The following DIO2 variants were observed in gnomAD, a reference collection of about 807,000 sequenced individuals.
The protein encoded by DIO2 is type II iodothyronine deiodinase.
Under a neutral mutation model 21.4 loss-of-function variants are expected in DIO2, and 19 were observed. The observed-to-expected ratio is 0.89, with a 90% CI of 0.62 to 1.30. DIO2 has a LOEUF of 1.30. Among genes scored for constraint, DIO2 ranks in the 50% most tolerant of loss-of-function variants. DIO2 has a pLI of 0.00. For synonymous variants in DIO2, 122 were observed against 132.9 expected, an observed-to-expected ratio of 0.92 and a Z score of 0.57; for missense variants, 302 against 338.1, an observed-to-expected ratio of 0.89 and a Z score of 0.84.
chr14:80,203,606 T>G (rs1303388990), intron 1 of DIO2, among the ~76,000 whole-genome samples: 1 of 152,250 alleles, frequency 6.6e-6, no homozygotes, highest in Non-Finnish European at 1.5e-5. Flanking sequence ...CTATCCTTAT[T>G]TTGCTGTCAA....
intron 2 of DIO2, among the ~76,000 whole-genome samples, chr14:80,228,316 T>C (rs1454682575): frequency 2.0e-5 from 3 of 152,184 alleles, no homozygotes; most frequent in Non-Finnish European, 4.4e-5. Flanking sequence ...AAGTCAGTGG[T>C]TGCATACCAG....
intron 1 of DIO2, chr14:80,205,663 C>T: frequency 7.5e-7 from 1 of 1,333,350 alleles, no homozygotes; most frequent in Non-Finnish European, 9.8e-7. Flanking sequence ...ATGTATAGTT[C>T]AGCTGCAGAA....
chr14:80,205,851 C>A, intron 1 of DIO2: 1 of 527,036 alleles, frequency 1.9e-6, no homozygotes, highest in Non-Finnish European at 2.8e-6. Flanking sequence ...TGAATGAATG[C>A]TAGTTGTTAT....
chr14:80,219,350 G>A (rs915893901), intron 2 of DIO2: 1 of 152,192 alleles, frequency 6.6e-6, no homozygotes, highest in African/African-American at 2.4e-5. Flanking sequence ...ATATGAAATT[G>A]AAAGTCAGTA....
chr14:80,227,156 T>C (rs1888592957), intron 2 of DIO2, among the ~76,000 whole-genome samples: 1 of 152,158 alleles, frequency 6.6e-6, no homozygotes. Flanking sequence ...CTGTCCACTC[T>C]CAGGTGGTGC....
At chr14:80,216,432 T>C (rs1349583324), upstream of DIO2, among the ~76,000 whole-genome samples, 1 of 152,134 alleles carries the variant, frequency 6.6e-6, no homozygotes, top group Non-Finnish European at 1.5e-5. Flanking sequence ...CACTTAGGAT[T>C]GGCCTAGTCT....
intron 1 of DIO2, 86 bp downstream of exon 1, chr14:80,211,165 C>T (rs539251276): frequency 1.8e-5 from 24 of 1,305,492 alleles, no homozygotes; most frequent in Admixed American, 6.0e-5. Context: ...AGCTCTCCCC[C>T]CAATGCTCCC....
chr14:80,213,678 A>G (rs1314457476), upstream of DIO2, among the ~76,000 whole-genome samples: 1 of 152,130 alleles, frequency 6.6e-6, no homozygotes, highest in Admixed American at 6.5e-5. Flanking sequence ...GAATGAATGA[A>G]CAGGGCATGT....
At chr14:80,229,424 T>G (rs899789707) in intron 2 of DIO2, among the ~76,000 whole-genome samples, 2 of 152,202 alleles carry the variant, frequency 1.3e-5, no homozygotes, top group South Asian at 2.1e-4. Flanking sequence ...TGGTTCTCAC[T>G]GTTAGATCTG....
intron 1 of DIO2, among the ~76,000 whole-genome samples, chr14:80,204,399 AT>A (rs775123858): frequency 3.5e-4 from 53 of 152,298 alleles, no homozygotes; most frequent in Non-Finnish European, 5.7e-4. Context: ...AGAAGTAGAG[AT>A]AAAAATTGTT....
chr14:80,224,781 T>C (rs1888538667), intron 2 of DIO2, among the ~76,000 whole-genome samples: 1 of 151,826 alleles, frequency 6.6e-6, no homozygotes, highest in African/African-American at 2.4e-5. Context: ...AAGAGGAGAG[T>C]TTAGATTTCT....
At chr14:80,228,393 G>A (rs762521440) in intron 2 of DIO2, among the ~76,000 whole-genome samples, 1 of 152,172 alleles carries the variant, frequency 6.6e-6, no homozygotes, top group Non-Finnish European at 1.5e-5. Flanking sequence ...TGCATTTGGA[G>A]TGACCACTTG....
rs898356610 is a variant in DIO2, at chr14:80,199,294, T to C, written c.*3395A>G. 1.3e-5 allele frequency: 2 copies of C among 152,198 alleles called. No individual in the cohort carries two copies. Among genetic ancestry groups the C allele is most frequent in the African/African-American group, 4.8e-5 (2 of 41,438 alleles). The allele number at this position is 152,198 out of a possible 1,614,324, so 9.4% of individuals were successfully genotyped here. Reference sequence around the variant, plus strand: ...CAATAGGCTATTCTTCCCACTGTGATGAGAGAATAAGCACTTCCTGGTTAA... The same window carrying C: ...CAATAGGCTATTCTTCCCACTGTGACGAGAGAATAAGCACTTCCTGGTTAA... On this transcript the variant is annotated 3_prime_UTR_variant, in exon 2 of 2. Coordinates refer to ENST00000438257, the MANE Select transcript of DIO2 (RefSeq NM_013989.5).
At position 80,200,066 on chromosome 14, in the gene DIO2, A is replaced by G. The variant is rs1887654220; in HGVS notation, c.*2623T>C. Reference sequence around the variant, plus strand: ...TAATTTCATAAAAGAATACATCACAAGAAATCATAAAAATTCATGTTGCGA... The same window carrying G: ...TAATTTCATAAAAGAATACATCACAGGAAATCATAAAAATTCATGTTGCGA... On this transcript the variant is annotated 3_prime_UTR_variant, in exon 2 of 2. Transcript: ENST00000438257. 6.6e-6 allele frequency: 1 copy of G among 152,632 alleles called. No homozygotes were observed. The highest frequency in any genetic ancestry group is 1.5e-5 in the Non-Finnish European group (1 of 68,028). 9.5% of individuals were successfully genotyped at this position (152,632 alleles called of 1,614,324 possible).
At chr14:80,204,901 T>C (rs569046659) in intron 1 of DIO2, among the ~76,000 whole-genome samples, 3 of 152,318 alleles carry the variant, frequency 2.0e-5, no homozygotes, top group South Asian at 4.1e-4. Flanking sequence ...TAAGCATTAT[T>C]AGTGTTCTAA....
rs1289970110 is a variant in DIO2, at chr14:80,211,485, C to T, written c.-13G>A. 6.5e-7 allele frequency: 1 copy of T among 1,537,842 alleles called. No individual in the cohort carries two copies. Among genetic ancestry groups the T allele is most frequent in the Non-Finnish European group, 8.8e-7 (1 of 1,134,262 alleles). ...TGAGGATGCCCATCTTCTCTGCCTC[C>T]TGAGTCAGTTCCCTTGTGCGCTCTG... On this transcript the variant is annotated 5_prime_UTR_variant, in exon 1 of 2. Transcript: ENST00000438257.
upstream of DIO2, among the ~76,000 whole-genome samples, chr14:80,213,621 T>C (rs1423442322): frequency 2.0e-5 from 3 of 152,324 alleles, no homozygotes; most frequent in East Asian, 5.8e-4. Flanking sequence ...CCCCAACACC[T>C]AGAACCATGC....
chr14:80,209,386 G>A (rs985674179), intron 1 of DIO2, among the ~76,000 whole-genome samples: 2 of 150,252 alleles, frequency 1.3e-5, no homozygotes, highest in Admixed American at 1.3e-4. Context: ...AAAGGCAATT[G>A]TCCTTCCAAA....
intron 1 of DIO2, among the ~76,000 whole-genome samples, chr14:80,204,472 C>T (rs546516296): frequency 6.6e-6 from 1 of 152,096 alleles, no homozygotes; most frequent in Non-Finnish European, 1.5e-5. Flanking sequence ...AAGTTTGCAG[C>T]CTTTGAATCT....
Sources: gnomAD v4.1 joint callset for allele counts (sites outside exome capture counted in the v4.1 genomes callset) on GRCh38, gnomAD v4.1.1 for gene constraint, MANE v1.5 for transcripts, NCBI Gene and HGNC (gene_info 2026-07-23, HGNC 2026-07-21) for gene names.